The following EXOC6B variants were observed in gnomAD, a reference collection of about 807,000 sequenced individuals.
EXOC6B encodes exocyst complex component 6B.
A neutral mutation model predicts 113.5 loss-of-function variants in EXOC6B; 54 were observed. That is an observed-to-expected ratio of 0.48 (90% CI 0.38 to 0.60). The LOEUF is 0.60. Ranked by LOEUF, EXOC6B falls within the 20% of genes least tolerant of loss-of-function variation. The pLI, the probability that EXOC6B is intolerant of heterozygous loss-of-function variation, is 0.00. For missense variants in EXOC6B, 797 were observed against 977.5 expected (o/e 0.82, Z 2.46); for synonymous variants, 357 against 339.0 (o/e 1.05, Z -0.58).
chr2:72,647,142 C>T (rs1673784599), intron 6 of EXOC6B, among the ~76,000 whole-genome samples: 1 of 152,118 alleles, frequency 6.6e-6, no homozygotes, highest in Non-Finnish European at 1.5e-5. Context: ...ACACCAATAA[C>T]AGAGAGCCAA....
intron 20 of EXOC6B, among the ~76,000 whole-genome samples, chr2:72,241,906 G>A (rs1252414803): frequency 1.3e-5 from 2 of 152,076 alleles, no homozygotes; most frequent in African/African-American, 4.8e-5. Flanking sequence ...TCAGAAAAGT[G>A]GATCTAAAGA....
At chr2:72,816,685 G>T (rs1686267454) in intron 1 of EXOC6B, among the ~76,000 whole-genome samples, 2 of 152,068 alleles carry the variant, frequency 1.3e-5, no homozygotes, top group Admixed American at 6.5e-5. Flanking sequence ...AGGAGCTCAG[G>T]TTCCTCAGAA....
chr2:72,550,919 A>ATTT (rs761690851), intron 8 of EXOC6B, among the ~76,000 whole-genome samples: 1 of 133,130 alleles, frequency 7.5e-6, no homozygotes, highest in Non-Finnish European at 1.6e-5. Flanking sequence ...TTTTTTTTTT[A>ATTT]TTTTTTTTTT....
Position 72,825,985 on chromosome 2 carries a change from C to A in EXOC6B, c.-75G>T. 1 of 1,561,440 alleles carries A rather than the reference C, an allele frequency of 6.4e-7. No individual in the cohort carries two copies. The highest frequency in any genetic ancestry group is 8.6e-7 in the Non-Finnish European group (1 of 1,156,736). Reference sequence around the variant, plus strand: ...TTTCCCTGCCCCACAATGCCGCTCCCACCACAGGCTCCACAGCCGCCCCAG... The same window carrying A: ...TTTCCCTGCCCCACAATGCCGCTCCAACCACAGGCTCCACAGCCGCCCCAG... On this transcript the variant is annotated 5_prime_UTR_variant, in exon 1 of 22. Transcript: ENST00000272427. This position sits in a 1 kb window ranked among gnomAD's most constrained non-coding sequence, Gnocchi z 4.4.
intron 18 of EXOC6B, among the ~76,000 whole-genome samples, chr2:72,414,153 G>A (rs45556232): frequency 0.048 from 7,302 of 152,204 alleles, 276 homozygotes; most frequent in Middle Eastern, 0.12. Context: ...TGAGCTAAAA[G>A]GAGTTGAAGA....
chr2:72,624,753 C>T (rs1389156703), intron 6 of EXOC6B, among the ~76,000 whole-genome samples: 2 of 152,020 alleles, frequency 1.3e-5, no homozygotes, highest in African/African-American at 2.4e-5. Context: ...TTCTTAAAAA[C>T]GATAACAACA....
At chr2:72,658,290 A>AAAAAAAAAAAAAAAAAAAG (rs1674755794) in intron 6 of EXOC6B, among the ~76,000 whole-genome samples, 2 of 2,948 alleles carry the variant, frequency 6.8e-4, no homozygotes, top group Non-Finnish European at 9.1e-4. Flanking sequence ...AACTAGTAAA[A>AAAAAAAAAAAAAAAAAAAG]AAAAAAAAAA....
intron 20 of EXOC6B, among the ~76,000 whole-genome samples, chr2:72,330,840 T>G (rs575143955): frequency 3.3e-5 from 5 of 152,168 alleles, no homozygotes; most frequent in African/African-American, 1.2e-4. Flanking sequence ...TTTGCGCATT[T>G]CCTATTGCTT....
intron 20 of EXOC6B, among the ~76,000 whole-genome samples, chr2:72,328,247 A>G (rs962061531): frequency 6.6e-6 from 1 of 152,094 alleles, no homozygotes; most frequent in Non-Finnish European, 1.5e-5. Context: ...CCAAAGGACC[A>G]TCTTTTGAAG....
At chr2:72,547,765 G>A (rs547470862) in intron 8 of EXOC6B, among the ~76,000 whole-genome samples, 1 of 152,196 alleles carries the variant, frequency 6.6e-6, no homozygotes, top group South Asian at 2.1e-4. Flanking sequence ...ATATCTACAA[G>A]ACAGAATAGT....
At chr2:72,812,827 A>G (rs1313909239) in intron 1 of EXOC6B, among the ~76,000 whole-genome samples, 1 of 152,204 alleles carries the variant, frequency 6.6e-6, no homozygotes, top group African/African-American at 2.4e-5. Context: ...TACCAGTATC[A>G]GGATATTACA....
At chr2:72,563,227 T>C (rs1159921090) in intron 7 of EXOC6B, among the ~76,000 whole-genome samples, 1 of 152,136 alleles carries the variant, frequency 6.6e-6, no homozygotes, top group Non-Finnish European at 1.5e-5. Context: ...GAAGCAACTA[T>C]TACATTCTTC....
At chr2:72,240,764 A>G (rs1178137832) in intron 20 of EXOC6B, among the ~76,000 whole-genome samples, 1 of 152,274 alleles carries the variant, frequency 6.6e-6, no homozygotes, top group Non-Finnish European at 1.5e-5. Flanking sequence ...TAAGTTAAAA[A>G]GAGAAATAAT....
intron 1 of EXOC6B, among the ~76,000 whole-genome samples, chr2:72,764,364 C>CTTTTTT (rs397869115): frequency 2.2e-4 from 15 of 66,808 alleles, no homozygotes; most frequent in African/African-American, 4.7e-4. Context: ...TATTTTCTCT[C>CTTTTTT]TTTTTTTTTT....
At chr2:72,192,920 C>G (rs753115428) in intron 20 of EXOC6B, among the ~76,000 whole-genome samples, 19 of 152,126 alleles carry the variant, frequency 1.2e-4, no homozygotes, top group Non-Finnish European at 2.6e-4. Context: ...TTCTGGGACA[C>G]TTAACATATA....
At chr2:72,796,118 C>G (rs1684927319) in intron 1 of EXOC6B, among the ~76,000 whole-genome samples, 1 of 151,384 alleles carries the variant, frequency 6.6e-6, no homozygotes, top group Admixed American at 6.6e-5. Context: ...CCACCAAGCC[C>G]AGCCTTCAGG....
At chr2:72,369,230 G>A (rs1037575140) in intron 19 of EXOC6B, among the ~76,000 whole-genome samples, 1 of 151,832 alleles carries the variant, frequency 6.6e-6, no homozygotes, top group African/African-American at 2.4e-5. Context: ...AACAGACAGA[G>A]AGCCAAATCA....
At chr2:72,314,816 A>G (rs1191979463) in intron 20 of EXOC6B, among the ~76,000 whole-genome samples, 1 of 152,222 alleles carries the variant, frequency 6.6e-6, no homozygotes, top group East Asian at 1.9e-4. Flanking sequence ...AACTAAGGCA[A>G]GCATGTTGAG....
At chr2:72,503,598 C>A (rs934135453) in intron 11 of EXOC6B, among the ~76,000 whole-genome samples, 3 of 152,200 alleles carry the variant, frequency 2.0e-5, no homozygotes, top group Non-Finnish European at 4.4e-5. Flanking sequence ...CATTCACCCA[C>A]TGACAAACAT....
Sources: gnomAD v4.1 joint callset for allele counts (sites outside exome capture counted in the v4.1 genomes callset) on GRCh38, gnomAD v4.1.1 for gene constraint, Gnocchi (gnomAD v3.1) non-coding constraint, MANE v1.5 for transcripts, NCBI Gene and HGNC (gene_info 2026-07-23, HGNC 2026-07-21) for gene names.